EFNA5: variants seen among roughly 807,000 people sequenced by gnomAD.
EFNA5 encodes ephrin-A5.
In EFNA5, 5 loss-of-function variants were observed where a neutral mutation model predicts 22.9. The ratio of observed to expected loss-of-function variants is 0.22; its 90% CI spans 0.11 to 0.46. The LOEUF (loss-of-function observed/expected upper bound fraction) is 0.46, where lower values mean the gene tolerates loss of function less well. Among genes scored for constraint, EFNA5 ranks in the 20% least tolerant of loss-of-function variants. The probability of loss-of-function intolerance (pLI) is 0.99; values close to 1 mark genes in which losing one functional copy is unlikely to be tolerated. For synonymous variants in EFNA5, 113 were observed against 112.2 expected, an observed-to-expected ratio of 1.01 and a Z score of -0.04; for missense variants, 237 against 293.3, an observed-to-expected ratio of 0.81 and a Z score of 1.40.
chr5:107,457,277 C>T (rs573670253), intron 1 of EFNA5, among the ~76,000 whole-genome samples: 76 of 152,190 alleles, frequency 5.0e-4, no homozygotes, highest in African/African-American at 1.8e-3. Context: ...CGTGTTAATA[C>T]TGCACTCCAT....
chr5:107,486,819 T>G (rs747005151), intron 1 of EFNA5, among the ~76,000 whole-genome samples: 1 of 152,178 alleles, frequency 6.6e-6, no homozygotes, highest in Admixed American at 6.5e-5. Context: ...CACAATATAT[T>G]CTGTCCTGAC....
intron 1 of EFNA5, among the ~76,000 whole-genome samples, chr5:107,474,861 G>A (rs911801667): frequency 6.6e-6 from 1 of 152,172 alleles, no homozygotes; most frequent in Non-Finnish European, 1.5e-5. Flanking sequence ...CATTCTAAGG[G>A]AAAGGACAAT....
intron 1 of EFNA5, among the ~76,000 whole-genome samples, chr5:107,542,725 C>A (rs952660003): frequency 2.0e-5 from 3 of 152,312 alleles, no homozygotes; most frequent in East Asian, 1.9e-4. Context: ...TCCAGCAACT[C>A]TGGCTGGGGT....
chr5:107,430,525 T>G (rs950866489), intron 1 of EFNA5, among the ~76,000 whole-genome samples: 2 of 152,006 alleles, frequency 1.3e-5, no homozygotes, highest in Non-Finnish European at 2.9e-5. Flanking sequence ...GTAATTCCTT[T>G]ATTCCACAAC....
chr5:107,544,720 A>T (rs891373542), intron 1 of EFNA5, among the ~76,000 whole-genome samples: 1 of 152,198 alleles, frequency 6.6e-6, no homozygotes, highest in South Asian at 2.1e-4. Context: ...ACGTCACCCC[A>T]TACTAGAATT....
intron 1 of EFNA5, among the ~76,000 whole-genome samples, chr5:107,560,188 T>C (rs1267440247): frequency 1.3e-5 from 2 of 152,256 alleles, no homozygotes; most frequent in African/African-American, 4.8e-5. Context: ...AATGAATTAC[T>C]TTCAACTTCA....
intron 1 of EFNA5, among the ~76,000 whole-genome samples, chr5:107,624,506 T>C (rs1750104706): frequency 6.6e-6 from 1 of 152,194 alleles, no homozygotes; most frequent in Non-Finnish European, 1.5e-5. Context: ...TTTTCCTCTT[T>C]TTCTAGACAT....
intron 2 of EFNA5, among the ~76,000 whole-genome samples, chr5:107,422,523 G>A (rs745807896): frequency 3.3e-5 from 5 of 152,238 alleles, no homozygotes; most frequent in Non-Finnish European, 7.3e-5. Context: ...TAAAGAAAGT[G>A]AGAGCAAGGC....
chr5:107,650,365 A>T (rs1277905443), intron 1 of EFNA5, among the ~76,000 whole-genome samples: 2 of 152,142 alleles, frequency 1.3e-5, no homozygotes, highest in African/African-American at 4.8e-5. Context: ...GCCTATCAGG[A>T]GACTTCTGTC....
intron 1 of EFNA5, among the ~76,000 whole-genome samples, chr5:107,517,512 A>G (rs1425198264): frequency 6.6e-6 from 1 of 152,220 alleles, no homozygotes; most frequent in Non-Finnish European, 1.5e-5. Flanking sequence ...TATTAAATTC[A>G]ATATATGAGA....
At chr5:107,663,217 TA>T (rs753233464) in intron 1 of EFNA5, among the ~76,000 whole-genome samples, 4 of 132,764 alleles carry the variant, frequency 3.0e-5, no homozygotes, top group Admixed American at 7.3e-5. Flanking sequence ...TGGCTGCTTC[TA>T]GGGGGGAAAA....
At chr5:107,598,111 G>A (rs1252482578) in intron 1 of EFNA5, among the ~76,000 whole-genome samples, 1 of 152,134 alleles carries the variant, frequency 6.6e-6, no homozygotes, top group Non-Finnish European at 1.5e-5. Flanking sequence ...AGGAGATAAT[G>A]TAGAATACCT....
intron 2 of EFNA5, among the ~76,000 whole-genome samples, chr5:107,394,797 T>C (rs1353648006): frequency 6.6e-6 from 1 of 152,148 alleles, no homozygotes; most frequent in East Asian, 1.9e-4. Flanking sequence ...TTCCACTCAT[T>C]TCTAGGAATA....
intron 1 of EFNA5, among the ~76,000 whole-genome samples, chr5:107,502,912 G>A (rs1489341860): frequency 6.6e-6 from 1 of 152,192 alleles, no homozygotes; most frequent in East Asian, 1.9e-4. Flanking sequence ...CCACTCCTCA[G>A]AGAGGCACGC....
At chr5:107,535,500 T>C (rs974739802) in intron 1 of EFNA5, among the ~76,000 whole-genome samples, 9 of 151,900 alleles carry the variant, frequency 5.9e-5, no homozygotes, top group East Asian at 1.9e-4. Context: ...GAATGGAAAA[T>C]AAAACTGATA....
chr5:107,469,968 T>TA (rs1750093961), intron 1 of EFNA5, among the ~76,000 whole-genome samples: 1 of 152,174 alleles, frequency 6.6e-6, no homozygotes, highest in Non-Finnish European at 1.5e-5. Context: ...CATTAACAAT[T>TA]AAGTGTTAAT....
chr5:107,609,231 G>A (rs1749779189), intron 1 of EFNA5, among the ~76,000 whole-genome samples: 1 of 152,220 alleles, frequency 6.6e-6, no homozygotes, highest in Non-Finnish European at 1.5e-5. Context: ...TTGTTATCAT[G>A]TATGGTTGGG....
intron 1 of EFNA5, among the ~76,000 whole-genome samples, chr5:107,483,454 C>T (rs11955783): frequency 0.024 from 3,645 of 152,264 alleles, 152 homozygotes; most frequent in African/African-American, 0.084. Context: ...GGATTCTAGA[C>T]GGTGACAAGG....
intron 1 of EFNA5, among the ~76,000 whole-genome samples, chr5:107,466,591 A>G (rs1439039978): frequency 6.6e-6 from 1 of 152,156 alleles, no homozygotes; most frequent in Non-Finnish European, 1.5e-5. Flanking sequence ...AGATCGACTT[A>G]GAGAAATTTG....
Sources: gnomAD v4.1 joint callset for allele counts (sites outside exome capture counted in the v4.1 genomes callset) on GRCh38, gnomAD v4.1.1 for gene constraint, MANE v1.5 for transcripts, NCBI Gene and HGNC (gene_info 2026-07-23, HGNC 2026-07-21) for gene names.